The following CS variants were observed in gnomAD, a reference collection of about 807,000 sequenced individuals.
CS encodes citrate synthase, mitochondrial.
Under a neutral mutation model 61.4 loss-of-function variants are expected in CS, and 13 were observed. That is an observed-to-expected ratio of 0.21 (90% CI 0.14 to 0.34). CS has a LOEUF of 0.34. Among genes scored for constraint, CS ranks in the 10% least tolerant of loss-of-function variants. CS has a pLI of 1.00. For missense variants in CS, 278 were observed against 573.4 expected, an observed-to-expected ratio of 0.48 and a Z score of 5.26; for synonymous variants, 159 against 215.2, an observed-to-expected ratio of 0.74 and a Z score of 2.29.
intron 6 of CS, among the ~76,000 whole-genome samples, chr12:56,276,463 A>G (rs1490798426): frequency 6.6e-6 from 1 of 152,244 alleles, no homozygotes; most frequent in Non-Finnish European, 1.5e-5. Flanking sequence ...ACTACTACAA[A>G]GTATATAATG....
chr12:56,295,951 CAAAAAAAAAAAAAA>C (rs71081343), intron 1 of CS, among the ~76,000 whole-genome samples: 10 of 40,480 alleles, frequency 2.5e-4, no homozygotes, highest in Admixed American at 4.7e-4. Context: ...GAAACTGTCT[CAAAAAAAAAAAAAA>C]AAAAAAAAAA....
intron 1 of CS, among the ~76,000 whole-genome samples, chr12:56,294,660 G>C (rs1240564149): frequency 1.3e-5 from 2 of 151,614 alleles, no homozygotes; most frequent in African/African-American, 2.4e-5. Context: ...TCCACCCCCT[G>C]GGTTCAAGCG....
chr12:56,278,659 C>A (rs1457285302), intron 6 of CS, among the ~76,000 whole-genome samples: 2 of 151,594 alleles, frequency 1.3e-5, no homozygotes, highest in African/African-American at 4.8e-5. Context: ...ATTGCTTGAA[C>A]CTGGGAGGCG....
intron 1 of CS, among the ~76,000 whole-genome samples, chr12:56,298,041 C>T (rs1873363762): frequency 6.6e-6 from 1 of 152,100 alleles, no homozygotes; most frequent in African/African-American, 2.4e-5. Flanking sequence ...TCTTGTTGCC[C>T]AGGCTGGAGT....
At chr12:56,291,906 G>A (rs1873136310) in intron 1 of CS, 2 of 152,158 alleles carry the variant, frequency 1.3e-5, no homozygotes, top group African/African-American at 4.8e-5. Context: ...ATCACGAAGA[G>A]GTTTTTCCCC....
rs547684776 is a variant in CS, at chr12:56,271,890, T to C, written c.*1194A>G. ...CACAGCAGGAGTGTATCTTAATCCTTTCTCAAAGAAAAAGAAGTAGAGCAT... is the reference window on the plus strand; with the variant it reads ...CACAGCAGGAGTGTATCTTAATCCTCTCTCAAAGAAAAAGAAGTAGAGCAT... On this transcript the variant is annotated 3_prime_UTR_variant, in exon 11 of 11. Coordinates refer to ENST00000351328, the MANE Select transcript of CS (RefSeq NM_004077.3). The C allele has an allele frequency of 1.5e-4, 68 of 456,368 alleles. No individual in the cohort carries two copies. Among genetic ancestry groups the C allele is most frequent in the Non-Finnish European group, 2.6e-4 (58 of 226,758 alleles). The allele number at this position is 456,368 out of a possible 1,614,324, so 28.3% of individuals were successfully genotyped here.
intron 1 of CS, among the ~76,000 whole-genome samples, chr12:56,297,947 CAGG>C: frequency 6.6e-6 from 1 of 152,250 alleles, no homozygotes; most frequent in South Asian, 2.1e-4. Flanking sequence ...GCTTATTTCT[CAGG>C]AGATTTCCAG....
chr12:56,299,804 G>T, intron 1 of CS: 1 of 257,296 alleles, frequency 3.9e-6, no homozygotes, highest in Non-Finnish European at 7.6e-6. Flanking sequence ...AACTCCAGTG[G>T]AACACCACAT....
chr12:56,281,713 A>G (rs898002298), intron 6 of CS, among the ~76,000 whole-genome samples: 7 of 152,082 alleles, frequency 4.6e-5, no homozygotes, highest in African/African-American at 7.2e-5. Context: ...GGATCTCACT[A>G]TGTTGCCCAG....
chr12:56,282,025 A>G (rs943466437), intron 6 of CS, among the ~76,000 whole-genome samples: 1 of 152,074 alleles, frequency 6.6e-6, no homozygotes, highest in Admixed American at 6.6e-5. Context: ...CGCCTGGCTA[A>G]TTTTTGTATT....
chr12:56,275,589 A>AT (rs35576342), intron 7 of CS: 63,089 of 182,294 alleles, frequency 0.35, 12,345 homozygotes, highest in Non-Finnish European at 0.4. Context: ...AAAAAAAAAA[A>AT]GCATCCTAAT....
intron 1 of CS, among the ~76,000 whole-genome samples, chr12:56,296,549 A>G (rs1873312547): frequency 6.6e-6 from 1 of 152,220 alleles, no homozygotes; most frequent in Non-Finnish European, 1.5e-5. Flanking sequence ...CAGTTGCCTC[A>G]TTACGGTTTT....
chr12:56,275,838 C>T (rs867995157), intron 7 of CS, 158 bp downstream of exon 7: 4 of 655,414 alleles, frequency 6.1e-6, no homozygotes, highest in Non-Finnish European at 1.1e-5. Flanking sequence ...ACCTTGCTTA[C>T]TAGACCCCTT....
rs1872591075 is a variant in CS, at chr12:56,274,884, G to T, written c.919-6C>A. 6.2e-7 allele frequency: 1 copy of T among 1,606,404 alleles called. No homozygotes were observed. Among genetic ancestry groups the T allele is most frequent in the Non-Finnish European group, 8.5e-7 (1 of 1,176,624 alleles). On this transcript the variant is annotated splice_polypyrimidine_tract_variant and splice_region_variant and intron_variant, in intron 8 of 10. Coordinates refer to ENST00000351328, the MANE Select transcript of CS (RefSeq NM_004077.3). ...GTTAGCCAGACAAGCACTTCCTATG[G>T]GTAAGGTTTGGGGAAAAAGGGAATG...
chr12:56,291,236 T>A (rs773530637), intron 1 of CS: 40 of 1,151,892 alleles, frequency 3.5e-5, no homozygotes, highest in Non-Finnish European at 4.1e-5. Flanking sequence ...GTGTCAGAAC[T>A]TCCTGGGAGT....
chr12:56,275,198 T>C, intron 7 of CS, 67 bp from the exon 8 acceptor site: 1 of 1,601,270 alleles, frequency 6.2e-7, no homozygotes, highest in South Asian at 1.1e-5. Context: ...ACTTTGCTGT[T>C]CTCTTATTTG....
At chr12:56,283,060 A>C in intron 4 of CS, 69 bp from the exon 5 acceptor site, 22 of 1,541,838 alleles carry the variant, frequency 1.4e-5, no homozygotes, top group Non-Finnish European at 2.0e-5. Context: ...GGTCTTACTC[A>C]TCAGACCTTA....
intron 6 of CS, among the ~76,000 whole-genome samples, chr12:56,277,821 G>T (rs1225042536): frequency 6.6e-6 from 1 of 151,470 alleles, no homozygotes; most frequent in Non-Finnish European, 1.5e-5. Flanking sequence ...GTAGAGGGGG[G>T]TTTCACCATG....
intron 6 of CS, 24 bp downstream of exon 6, chr12:56,282,396 G>T (rs753429392): frequency 1.3e-6 from 2 of 1,547,646 alleles, no homozygotes; most frequent in South Asian, 1.2e-5. Flanking sequence ...ATCACACACC[G>T]ATCACCCCAC....
Sources: gnomAD v4.1 joint callset for allele counts (sites outside exome capture counted in the v4.1 genomes callset) on GRCh38, gnomAD v4.1.1 for gene constraint, MANE v1.5 for transcripts, NCBI Gene and HGNC (gene_info 2026-07-23, HGNC 2026-07-21) for gene names.